The following HMOX2 variants were observed in gnomAD, a reference collection of about 807,000 sequenced individuals.
HMOX2 encodes the protein heme oxygenase (decycling) 2.
HMOX2 carries 30 observed loss-of-function variants against 33.7 expected under a neutral mutation model. That is an observed-to-expected ratio of 0.89 (90% confidence interval 0.67 to 1.21). The LOEUF is 1.21. Among genes scored for constraint, HMOX2 ranks in the 50% most tolerant of loss-of-function variants. HMOX2 has a pLI of 0.00. For missense variants in HMOX2, 403 were observed against 399.1 expected (o/e 1.01, Z -0.08); for synonymous variants, 155 against 155.0 (o/e 1.00, Z 0.00).
intron 1 of HMOX2, among the ~76,000 whole-genome samples, chr16:4,489,648 G>A (rs909983817): frequency 3.9e-5 from 6 of 152,028 alleles, no homozygotes; most frequent in African/African-American, 1.2e-4. Context: ...TTGTAGAGAT[G>A]GGGTTTCACC....
At chr16:4,487,296 G>A (rs769220831) in intron 1 of HMOX2, among the ~76,000 whole-genome samples, 3 of 152,126 alleles carry the variant, frequency 2.0e-5, no homozygotes, top group South Asian at 2.1e-4. Flanking sequence ...GCTCAGGCCT[G>A]TAATCCCAGC....
chr16:4,477,098 T>C (rs1238920158), intron 1 of HMOX2, among the ~76,000 whole-genome samples: 2 of 151,350 alleles, frequency 1.3e-5, no homozygotes, highest in Admixed American at 6.6e-5. Flanking sequence ...GACGCGGGTT[T>C]ACCTATTACT....
Position 4,496,117 on chromosome 16 carries a change from C to A in HMOX2, c.-41-9367C>A, listed in dbSNP as rs746623077. 2.8e-3 allele frequency: 319 copies of A among 112,870 alleles called. 2 individuals are homozygous for A. Among genetic ancestry groups the A allele is most frequent in the Middle Eastern group, 8.9e-3 (2 of 224 alleles). 7.0% of individuals were successfully genotyped at this position (112,870 alleles called of 1,614,324 possible). ...CTCAGAAATAATAGAATCTTGCTCA[C>A]TTTTCTTTCTTTTTTTTTTTTTTTT... On this transcript the variant is annotated intron_variant, in intron 1 of 5. Coordinates refer to ENST00000570646, the MANE Select transcript of HMOX2 (RefSeq NM_002134.4).
At chr16:4,488,040 T>C (rs376476449) in intron 1 of HMOX2, among the ~76,000 whole-genome samples, 5 of 148,088 alleles carry the variant, frequency 3.4e-5, no homozygotes, top group African/African-American at 2.5e-5. Flanking sequence ...GGAGAATCAC[T>C]TGAACCCGGG....
intron 3 of HMOX2, 148 bp from the exon 4 acceptor site, chr16:4,507,565 C>G: frequency 1.3e-6 from 1 of 788,474 alleles, no homozygotes; most frequent in Non-Finnish European, 2.0e-6. Flanking sequence ...GAAACAAAAG[C>G]TTCCTTGTGT....
In HMOX2 at chr16:4,507,739, A is replaced by G; in HGVS notation, c.231A>G (p.Thr77=). Residue 77 remains threonine, a synonymous_variant, in exon 4 of 6, where the codon ACA becomes ACG. Coordinates refer to ENST00000570646, the MANE Select transcript of HMOX2 (RefSeq NM_002134.4). Reference sequence around the variant, plus strand: ...TGGCCACCACGGCACTTTACTTCACATACTCAGCCCTCGAGGAGGAAATGG... The same window carrying G: ...TGGCCACCACGGCACTTTACTTCACGTACTCAGCCCTCGAGGAGGAAATGG... ...FKLATTALYF[T]YSALEEEMER... 6.2e-7 allele frequency: 1 copy of G among 1,614,126 alleles called. No individual in the cohort carries two copies. The highest frequency in any genetic ancestry group is 1.7e-5 in the Admixed American group (1 of 60,020).
At position 4,508,051 on chromosome 16, in the gene HMOX2, G is replaced by A. The variant is rs200491627; in HGVS notation, c.543G>A (p.Gly181=). 3 of 1,614,026 alleles carry A rather than the reference G, an allele frequency of 1.9e-6. No homozygotes were observed. The highest frequency in any genetic ancestry group is 1.3e-5 in the African/African-American group (1 of 74,916). ...GAGCACTGAAACTCCCCAGCACAGGGGAAGGGACCCAGTTCTACCTGTTTG... is the reference window on the plus strand; with the variant it reads ...GAGCACTGAAACTCCCCAGCACAGGAGAAGGGACCCAGTTCTACCTGTTTG... The part of the protein sequence containing the change: ...AQRALKLPST[G]EGTQFYLFEN... Residue 181 remains glycine, a synonymous_variant, in exon 4 of 6, where the codon GGG becomes GGA. Coordinates refer to ENST00000570646, the MANE Select transcript of HMOX2 (RefSeq NM_002134.4).
chr16:4,494,914 T>A (rs1449598394), intron 1 of HMOX2, among the ~76,000 whole-genome samples: 2 of 152,016 alleles, frequency 1.3e-5, no homozygotes, highest in African/African-American at 4.8e-5. Context: ...GGTTCATACC[T>A]GTAATCACAG....
chr16:4,489,734 C>T (rs998544561), intron 1 of HMOX2, among the ~76,000 whole-genome samples: 1 of 152,180 alleles, frequency 6.6e-6, no homozygotes, highest in African/African-American at 2.4e-5. Flanking sequence ...GCTGGGATTA[C>T]AGGTGTGAGC....
At chr16:4,508,266 T>A in intron 4 of HMOX2, 62 bp downstream of exon 4, 1 of 1,524,364 alleles carries the variant, frequency 6.6e-7, no homozygotes, top group African/African-American at 1.4e-5. Context: ...TGGTAGCAGA[T>A]CCATAGTGGC....
At chr16:4,484,136 G>A (rs747809090) in intron 1 of HMOX2, among the ~76,000 whole-genome samples, 15 of 150,894 alleles carry the variant, frequency 9.9e-5, no homozygotes, top group Non-Finnish European at 1.8e-4. Context: ...CACCATGCCC[G>A]GCTAATTTTT....
Position 4,488,101 on chromosome 16 carries a change from G to A in HMOX2, c.-42+11614G>A, listed in dbSNP as rs182045245. Among the ~76,000 whole-genome samples, 8 of 142,690 alleles carry A rather than the reference G, an allele frequency of 5.6e-5. No individual in the cohort carries two copies. In the Admixed American group the frequency reaches 5.9e-4, roughly 10 times the overall value. The allele number at this position is 142,690 out of a possible 152,430, so 93.6% of individuals were successfully genotyped here. On this transcript the variant is annotated intron_variant, in intron 1 of 5. Coordinates refer to ENST00000570646, the MANE Select transcript of HMOX2 (RefSeq NM_002134.4). The stretch of plus-strand genomic sequence containing the variant: ...CCGTGCCATTGCACTCCATTGTTTC[G>A]CTGCAACGAGAGGGAAACTCCATCT...
At position 4,476,463 on chromosome 16, in the gene HMOX2, G is replaced by T. The variant is rs1441513208; in HGVS notation, c.-66G>T. The T allele has an allele frequency of 6.6e-6, 1 of 152,276 alleles. No individual in the cohort carries two copies. Among genetic ancestry groups the T allele is most frequent in the East Asian group, 1.9e-4 (1 of 5,192 alleles). The allele number at this position is 152,276 out of a possible 1,614,324, so 9.4% of individuals were successfully genotyped here. ...CGGGCACGCTGACTGGAGGCTGGCG[G>T]ACAGGCGACAGCGACCTGCGGCAGG... On this transcript the variant is annotated 5_prime_UTR_variant, in exon 1 of 6. Coordinates refer to ENST00000570646, the MANE Select transcript of HMOX2 (RefSeq NM_002134.4).
At chr16:4,483,583 G>C (rs1459469652) in intron 1 of HMOX2, 1 of 152,088 alleles carries the variant, frequency 6.6e-6, no homozygotes, top group Non-Finnish European at 1.5e-5. Flanking sequence ...AGGAACCTAG[G>C]GTGCAGATCA....
At position 4,508,217 on chromosome 16, in the gene HMOX2, G is replaced by T. The variant is rs770712405; in HGVS notation, c.696+13G>T. Reference sequence around the variant, plus strand: ...GTATAACATGCAGGTACTATTGGGGGCTGCCAGCTGCTAGGGCTGAAGAGG... The same window carrying T: ...GTATAACATGCAGGTACTATTGGGGTCTGCCAGCTGCTAGGGCTGAAGAGG... On this transcript the variant is annotated intron_variant, in intron 4 of 5. Coordinates refer to ENST00000570646, the MANE Select transcript of HMOX2 (RefSeq NM_002134.4). 1.9e-6 allele frequency: 3 copies of T among 1,584,212 alleles called. No individual in the cohort carries two copies.
intron 1 of HMOX2, among the ~76,000 whole-genome samples, chr16:4,480,066 G>T (rs1431748773): frequency 6.8e-6 from 1 of 146,050 alleles, no homozygotes; most frequent in South Asian, 2.2e-4. Context: ...TTATTTTTTT[G>T]AAACAGAGTC....
intron 2 of HMOX2, among the ~76,000 whole-genome samples, chr16:4,505,855 A>G (rs1406578125): frequency 6.6e-6 from 1 of 152,140 alleles, no homozygotes; most frequent in Non-Finnish European, 1.5e-5. Context: ...ATAGGATTTG[A>G]TGGTAGTTAT....
In HMOX2 at chr16:4,497,856, C is replaced by T. The variant is rs76699606; in HGVS notation, c.-41-7628C>T. Among the ~76,000 whole-genome samples the T allele has an allele frequency of 7.0e-3, 1,064 of 152,188 alleles. 15 individuals carry two copies. The highest frequency in any genetic ancestry group is 0.024 in the African/African-American group (1,004 of 41,512). On this transcript the variant is annotated intron_variant, in intron 1 of 5. Transcript: ENST00000570646. ...CAAGTGATCCTTCTGCCTCAGAGTT[C>T]CAAAGTGCAGAGATTACAGGCTTGA...
chr16:4,482,160 A>G (rs1414620694), intron 1 of HMOX2, among the ~76,000 whole-genome samples: 2 of 152,164 alleles, frequency 1.3e-5, no homozygotes, highest in African/African-American at 2.4e-5. Context: ...GAATTTGTCA[A>G]TCTCAGCAAA....
Sources: gnomAD v4.1 joint callset for allele counts (sites outside exome capture counted in the v4.1 genomes callset) on GRCh38, gnomAD v4.1.1 for gene constraint, MANE v1.5 for transcripts, NCBI Gene and HGNC (gene_info 2026-07-23, HGNC 2026-07-21) for gene names.